CXorf66: variants seen among roughly 807,000 people sequenced by gnomAD.
CXorf66 encodes the protein uncharacterized protein CXorf66.
A neutral mutation model predicts 5.0 loss-of-function variants in CXorf66; 6 were observed. The ratio of observed to expected loss-of-function variants is 1.20; its 90% CI spans 0.65 to 2.36. The LOEUF is 2.36. CXorf66 is among the 30% of genes most tolerant of loss of function. CXorf66 has a pLI of 0.00. For synonymous variants in CXorf66, 98 were observed against 102.8 expected (o/e 0.95, Z 0.28); for missense variants, 270 against 254.9 (o/e 1.06, Z -0.40).
chrX:139,958,833 A>G (rs1180261984), intron 1 of CXorf66, among the ~76,000 whole-genome samples: 1 of 112,327 alleles, frequency 8.9e-6, no homozygotes, highest in Non-Finnish European at 1.9e-5. Flanking sequence ...GCAAGGAGCC[A>G]GGGGCCTCCT....
At chrX:139,962,022 A>G (rs981134154) in intron 1 of CXorf66, among the ~76,000 whole-genome samples, 5 of 111,598 alleles carry the variant, frequency 4.5e-5, no homozygotes, top group African/African-American at 9.8e-5. Flanking sequence ...CTAGAGAAGC[A>G]AGAGCAAACT....
intron 1 of CXorf66, among the ~76,000 whole-genome samples, chrX:139,960,261 C>T (rs1209946560): frequency 9.2e-6 from 1 of 108,733 alleles, no homozygotes; most frequent in Non-Finnish European, 1.9e-5. Flanking sequence ...AAACACAGCA[C>T]GAGAACTTCG....
chrX:139,955,875 G>T lies in CXorf66; in HGVS notation c.*21C>A. The stretch of plus-strand genomic sequence containing the variant: ...GTATAAGTTTGCTCTTTCACACTTG[G>T]ATTTTATTTTTGTTGAGCTCCTAAT... On this transcript the variant is annotated 3_prime_UTR_variant, in exon 3 of 3. Transcript: ENST00000370540. 1 of 1,158,348 alleles carries T rather than the reference G, an allele frequency of 8.6e-7. No individual in the cohort carries two copies. Among genetic ancestry groups the T allele is most frequent in the Non-Finnish European group, 1.1e-6 (1 of 870,610 alleles).
chrX:139,956,785 G>T (rs753648411), intron 2 of CXorf66, 46 bp from the exon 3 acceptor site: 2 of 1,122,119 alleles, frequency 1.8e-6, no homozygotes, highest in Non-Finnish European at 2.4e-6. Flanking sequence ...AAACAAAAGA[G>T]ACCTATTACT....
At position 139,965,433 on chromosome X, in the gene CXorf66, G is replaced by A; in HGVS notation, c.64C>T (p.Gln22Ter). ...CCTGTAGTAGAAGATCCATTGGTTT[G>A]GTTTGTAGTCATGCAATTATTTTTC... is the stretch of plus-strand genomic sequence containing the variant. ...IWKNNCMTTN[Q>*]TNGSSTTGDK... is the part of the protein sequence containing the mutation. The change falls in exon 1 of 3, where the codon CAA becomes TAA. Residue 22 changes from glutamine (Q) to a stop codon, truncating the protein, a stop_gained. Transcript: ENST00000370540. LOFTEE classifies it high-confidence loss of function. The A allele has an allele frequency of 8.3e-7, 1 of 1,206,363 alleles. No individual in the cohort carries two copies. Among genetic ancestry groups the A allele is most frequent in the Non-Finnish European group, 1.1e-6 (1 of 891,715 alleles).
chrX:139,958,509 A>G (rs186245591), intron 1 of CXorf66, among the ~76,000 whole-genome samples: 1 of 111,202 alleles, frequency 9.0e-6, no homozygotes, highest in African/African-American at 3.3e-5. Flanking sequence ...TGCATGTATA[A>G]GTGTACTTGA....
chrX:139,956,387 T>C lies in CXorf66; in HGVS notation c.595A>G (p.Lys199Glu). 8.3e-7 allele frequency: 1 copy of C among 1,212,003 alleles called. No individual in the cohort carries two copies. Among genetic ancestry groups the C allele is most frequent in the Non-Finnish European group, 1.1e-6 (1 of 895,571 alleles). ...ACTGGCTTATCTGAACTGGCTAGCT[T>C]ACACGCATAGTCTAGCTTACATAAT... Reference protein sequence around the residue: ...EKLCKLDYACKLASSDKPVRP... With the variant: ...EKLCKLDYACELASSDKPVRP... Residue 199 changes from lysine (K) to glutamate (E), a missense_variant, in exon 3 of 3, where the codon AAG becomes GAG. Coordinates refer to ENST00000370540, the MANE Select transcript of CXorf66 (RefSeq NM_001013403.3).
chrX:139,963,765 T>C (rs1926628275), intron 1 of CXorf66, among the ~76,000 whole-genome samples: 1 of 107,493 alleles, frequency 9.3e-6, no homozygotes, highest in Non-Finnish European at 1.9e-5. Flanking sequence ...ACCACACATT[T>C]AAAGCCATCT....
intron 1 of CXorf66, among the ~76,000 whole-genome samples, chrX:139,958,838 C>T (rs1287271987): frequency 1.8e-5 from 2 of 112,175 alleles, no homozygotes; most frequent in Non-Finnish European, 3.8e-5. Context: ...GAGCCAGGGG[C>T]CTCCTTCTCC....
rs1262712520 is a variant in CXorf66 at position 139,956,722 on chromosome X, A to G, written c.260T>C (p.Ile87Thr). The G allele has an allele frequency of 8.3e-7, 1 of 1,205,573 alleles. No homozygotes were observed. Among genetic ancestry groups the G allele is most frequent in the Non-Finnish European group, 1.1e-6 (1 of 892,915 alleles). ...TGATGTTTTAGATGACTTGGCTGCT[A>G]TGCCTTTTTTCTTGACCCTGAAAGT... The part of the protein sequence containing the change: ...SKAGMVKKKG[I>T]AAKSSKTSFS... Residue 87 changes from isoleucine to threonine, a missense_variant, in exon 3 of 3, where the codon ATA becomes ACA. By Grantham distance (89) the Ile-to-Thr change is moderately conservative. Transcript: ENST00000370540.
chrX:139,957,235 T>C (rs750462319), intron 2 of CXorf66, among the ~76,000 whole-genome samples: 2 of 111,597 alleles, frequency 1.8e-5, no homozygotes, highest in Admixed American at 1.9e-4. Flanking sequence ...GTTATAAATA[T>C]GGACTCTTGT....
In CXorf66 at chrX:139,965,408, C is replaced by T; in HGVS notation, c.88+1G>A. 8.4e-7 allele frequency: 1 copy of T among 1,186,646 alleles called. No homozygotes were observed. Among genetic ancestry groups the T allele is most frequent in the Non-Finnish European group, 1.1e-6 (1 of 874,103 alleles). ...TACAAGTTTTAAGGTTAGGCACCTA[C>T]CTGTAGTAGAAGATCCATTGGTTTG... On this transcript the variant is annotated splice_donor_variant, in intron 1 of 2. Coordinates refer to ENST00000370540, the MANE Select transcript of CXorf66 (RefSeq NM_001013403.3). LOFTEE classifies it high-confidence loss of function.
chrX:139,962,242 T>A (rs5955153), intron 1 of CXorf66, among the ~76,000 whole-genome samples: 8,116 of 111,167 alleles, frequency 0.073, 732 homozygotes, highest in African/African-American at 0.25. Flanking sequence ...AAAGGGGGTA[T>A]CACCAATGAT....
chrX:139,965,283 C>A, intron 1 of CXorf66, 126 bp downstream of exon 1: 3 of 485,499 alleles, frequency 6.2e-6, no homozygotes, highest in Non-Finnish European at 1.1e-5. Flanking sequence ...TTCTTGAAGA[C>A]CTACTAATGT....
chrX:139,956,840 G>A, intron 2 of CXorf66, 101 bp from the exon 3 acceptor site: 1 of 826,928 alleles, frequency 1.2e-6, no homozygotes, highest in African/African-American at 2.0e-5. Context: ...TGGTCTTTTG[G>A]GGCTTTAATA....
chrX:139,958,975 G>A, intron 1 of CXorf66, among the ~76,000 whole-genome samples: 1 of 112,068 alleles, frequency 8.9e-6, no homozygotes, highest in Non-Finnish European at 1.9e-5. Flanking sequence ...TGGGTTTCAA[G>A]CACAAAACTG....
chrX:139,956,846 T>A, intron 2 of CXorf66, 107 bp from the exon 3 acceptor site: 1 of 782,681 alleles, frequency 1.3e-6, no homozygotes, highest in Non-Finnish European at 1.8e-6. Context: ...TTTGGGGCTT[T>A]AATATGAAAA....
In CXorf66 at chrX:139,956,592, T is replaced by G. The variant is rs767021615; in HGVS notation, c.390A>C (p.Ala130=). Residue 130 remains alanine, a synonymous_variant, in exon 3 of 3, where the codon GCA becomes GCC. Transcript: ENST00000370540. ...SDSSSPERAS[A]QSSTEKLIRP... is the part of the protein sequence containing the mutation. Reference sequence around the variant, plus strand: ...TGATTAATTTTTCTGTGCTGGATTGTGCGGATGCCCTTTCTGGACTCGATG... The same window carrying G: ...TGATTAATTTTTCTGTGCTGGATTGGGCGGATGCCCTTTCTGGACTCGATG... The G allele has an allele frequency of 3.3e-6, 4 of 1,211,524 alleles. No homozygotes were observed. The South Asian group carries it at 7.0e-5, about 21-fold the overall frequency.
Position 139,958,188 on chromosome X carries a change from T to G in CXorf66, c.118A>C (p.Lys40Gln). ...AGATTTCTTCTAAGGTAGTTCAATT[T>G]TGTCTGCATTGATTCAACAGGTTTA... ...GDKPVESMQTKLNYLRRNLLI... is the reference protein window; with the variant it reads ...GDKPVESMQTQLNYLRRNLLI... Residue 40 changes from lysine to glutamine, a missense_variant, in exon 2 of 3, where the codon AAA becomes CAA. By Grantham distance (53) the Lys-to-Gln change is moderately conservative. Transcript: ENST00000370540. The G allele has an allele frequency of 8.4e-7, 1 of 1,191,775 alleles. No homozygotes were observed.
Sources: gnomAD v4.1 joint callset for allele counts (sites outside exome capture counted in the v4.1 genomes callset) on GRCh38, gnomAD v4.1.1 for gene constraint, MANE v1.5 for transcripts, NCBI Gene and HGNC (gene_info 2026-07-23, HGNC 2026-07-21) for gene names.